The following EAF2 variants were observed in gnomAD, a reference collection of about 807,000 sequenced individuals.
The protein encoded by EAF2 is ELL-associated factor 2.
A neutral mutation model predicts 29.4 loss-of-function variants in EAF2; 29 were observed. That is an observed-to-expected ratio of 0.99 (90% CI 0.73 to 1.35). The LOEUF (loss-of-function observed/expected upper bound fraction) is 1.35. EAF2 is among the 40% of genes most tolerant of loss of function. The probability of loss-of-function intolerance (pLI) is 0.00; values close to 1 mark genes in which losing one functional copy is unlikely to be tolerated. For missense variants in EAF2, 292 were observed against 312.0 expected (o/e 0.94, Z 0.48); for synonymous variants, 103 against 102.5 (o/e 1.00, Z -0.03).
chr3:121,853,087 T>C (rs1232114790), intron 2 of EAF2, among the ~76,000 whole-genome samples: 2 of 152,336 alleles, frequency 1.3e-5, no homozygotes, highest in South Asian at 2.1e-4. Context: ...AATCTTTTTA[T>C]TTTTTAATCT....
chr3:121,843,127 G>T (rs1708463815), intron 1 of EAF2, among the ~76,000 whole-genome samples: 1 of 152,198 alleles, frequency 6.6e-6, no homozygotes, highest in South Asian at 2.1e-4. Context: ...TTTATTTAAG[G>T]AATAGAGGAA....
chr3:121,873,067 C>A, intron 5 of EAF2: 1 of 686,630 alleles, frequency 1.5e-6, no homozygotes, highest in East Asian at 2.7e-5. Context: ...TCAAGGCTTA[C>A]TTTTGGGTTC....
intron 3 of EAF2, among the ~76,000 whole-genome samples, chr3:121,856,672 G>C (rs976052552): frequency 2.0e-5 from 3 of 151,948 alleles, no homozygotes; most frequent in African/African-American, 7.3e-5. Flanking sequence ...ATACAGACAG[G>C]GTCTCGTTAT....
At chr3:121,836,883 G>T (rs1576633135) in intron 1 of EAF2, 2 of 788,958 alleles carry the variant, frequency 2.5e-6, no homozygotes, top group Non-Finnish European at 3.1e-6. Flanking sequence ...ATATGATTTG[G>T]GTATATATTC....
intron 1 of EAF2, among the ~76,000 whole-genome samples, chr3:121,842,256 C>T (rs193274600): frequency 1.8e-4 from 28 of 152,144 alleles, no homozygotes; most frequent in Admixed American, 1.8e-3. Context: ...TAGGGCATGA[C>T]GATAACTTAT....
At chr3:121,860,121 GT>G (rs1323624749) in intron 4 of EAF2, among the ~76,000 whole-genome samples, 1 of 152,160 alleles carries the variant, frequency 6.6e-6, no homozygotes, top group Non-Finnish European at 1.5e-5. Context: ...AGGGATACTG[GT>G]CTAAAATTCT....
rs1405660256 is a variant in EAF2, at chr3:121,844,484, T to C, written c.138T>C (p.Ser46=). Reference sequence around the variant, plus strand: ...TCAAACCTGCTTCTATTGACACTTCTTCTGAAGGATACCTTGAGGTTGGTG... The same window carrying C: ...TCAAACCTGCTTCTATTGACACTTCCTCTGAAGGATACCTTGAGGTTGGTG... ...YDFKPASIDT[S]SEGYLEVGEG... Residue 46 remains serine, a synonymous_variant, in exon 2 of 6, where the codon TCT becomes TCC. Transcript: ENST00000273668. 1.9e-6 allele frequency: 3 copies of C among 1,610,296 alleles called. No individual in the cohort carries two copies. Among genetic ancestry groups the C allele is most frequent in the African/African-American group, 1.3e-5 (1 of 74,750 alleles).
intron 2 of EAF2, among the ~76,000 whole-genome samples, chr3:121,851,779 A>G (rs1708637905): frequency 6.6e-6 from 1 of 152,214 alleles, no homozygotes; most frequent in Non-Finnish European, 1.5e-5. Context: ...GAGAATAACA[A>G]TAATCTAGGT....
chr3:121,860,110 C>T (rs551302199), intron 4 of EAF2, among the ~76,000 whole-genome samples: 3 of 152,292 alleles, frequency 2.0e-5, no homozygotes, highest in South Asian at 4.1e-4. Context: ...CGGTGTTCAC[C>T]AGGGATACTG....
At chr3:121,861,814 G>C (rs1168514132) in intron 4 of EAF2, among the ~76,000 whole-genome samples, 1 of 152,136 alleles carries the variant, frequency 6.6e-6, no homozygotes, top group Non-Finnish European at 1.5e-5. Flanking sequence ...GGTACCGGCT[G>C]TTCCTTTCCA....
At chr3:121,851,067 T>A (rs1175403981) in intron 2 of EAF2, among the ~76,000 whole-genome samples, 1 of 152,218 alleles carries the variant, frequency 6.6e-6, no homozygotes, top group Admixed American at 6.5e-5. Flanking sequence ...TCACTTCTTT[T>A]ATTTATATTT....
chr3:121,884,715 G>A (rs1015031029), intron 5 of EAF2, among the ~76,000 whole-genome samples: 26 of 151,788 alleles, frequency 1.7e-4, no homozygotes, highest in African/African-American at 6.3e-4. Flanking sequence ...GTGAGCCACC[G>A]CGTGCCCGAC....
chr3:121,856,995 A>C lies in EAF2; in HGVS notation c.339-16A>C. ...GCTGTCATACCTGTTTCAATATTTG[A>C]TATTCTTAATTGCAGAGTTGAAGGA... On this transcript the variant is annotated splice_polypyrimidine_tract_variant and intron_variant, in intron 3 of 5. Coordinates refer to ENST00000273668, the MANE Select transcript of EAF2 (RefSeq NM_018456.6). The C allele has an allele frequency of 6.2e-7, 1 of 1,601,578 alleles. No individual in the cohort carries two copies. Among genetic ancestry groups the C allele is most frequent in the Non-Finnish European group, 8.5e-7 (1 of 1,175,236 alleles).
intron 4 of EAF2, among the ~76,000 whole-genome samples, chr3:121,865,237 C>T (rs1708903265): frequency 6.6e-6 from 1 of 151,650 alleles, no homozygotes; most frequent in Non-Finnish European, 1.5e-5. Flanking sequence ...GGTGAAACCT[C>T]ATCTCAATTA....
chr3:121,874,222 T>A (rs1348691367), intron 5 of EAF2, among the ~76,000 whole-genome samples: 1 of 151,812 alleles, frequency 6.6e-6, no homozygotes, highest in Admixed American at 6.6e-5. Context: ...AAAGACTGAC[T>A]AGCTTTAGCC....
Position 121,872,606 on chromosome 3 carries a change from C to A in EAF2, c.554C>A (p.Ser185Ter). Residue 185 changes from serine (S) to a stop codon, truncating the protein, a stop_gained, in exon 5 of 6, where the codon TCA becomes TAA. Transcript: ENST00000273668. LOFTEE classifies it high-confidence loss of function. ...SCDSSSDSKS[S>*]SSSSSEDSSS... ...GATAGTTCATCAGATTCCAAAAGTT[C>A]ATCATCTTCAAGTAGTGAGGATAGT... 2 of 1,612,774 alleles carry A rather than the reference C, an allele frequency of 1.2e-6. No individual in the cohort carries two copies. The highest frequency in any genetic ancestry group is 1.7e-6 in the Non-Finnish European group (2 of 1,179,112).
rs774441301 is a variant in EAF2 at position 121,854,781 on chromosome 3, G to A, written c.296G>A (p.Arg99Gln). Residue 99 changes from arginine to glutamine, a missense_variant, in exon 3 of 6, where the codon CGG becomes CAG. Physicochemically the swap from Arg to Gln is conservative, Grantham distance 43. Transcript: ENST00000273668. ...ATTAACCATGATACTGGAGAATGTCGGCTAGAAAAACTCAGCAGCAACATC... is the reference window on the plus strand; with the variant it reads ...ATTAACCATGATACTGGAGAATGTCAGCTAGAAAAACTCAGCAGCAACATC... ...LIINHDTGECRLEKLSSNITV... is the reference protein window; with the variant it reads ...LIINHDTGECQLEKLSSNITV... 2.0e-5 allele frequency: 31 copies of A among 1,570,428 alleles called. No homozygotes were observed. The highest frequency in any genetic ancestry group is 3.7e-5 in the South Asian group (3 of 81,382).
chr3:121,869,783 G>A (rs890340285), intron 4 of EAF2, among the ~76,000 whole-genome samples: 1 of 152,108 alleles, frequency 6.6e-6, no homozygotes. Context: ...CAGCTACTCA[G>A]GAGGCTGAGG....
chr3:121,835,845 T>C (rs1334959534), intron 1 of EAF2, among the ~76,000 whole-genome samples: 1 of 152,146 alleles, frequency 6.6e-6, no homozygotes, highest in Non-Finnish European at 1.5e-5. Flanking sequence ...TCTTATTTGG[T>C]GTGTTCTTTG....
Sources: gnomAD v4.1 joint callset for allele counts (sites outside exome capture counted in the v4.1 genomes callset) on GRCh38, gnomAD v4.1.1 for gene constraint, MANE v1.5 for transcripts, NCBI Gene and HGNC (gene_info 2026-07-23, HGNC 2026-07-21) for gene names.